Variants in NUF2 observed in about 807,000 individuals in gnomAD.
The protein encoded by NUF2 is NUF2 component of NDC80 kinetochore complex.
A neutral mutation model predicts 61.8 loss-of-function variants in NUF2; 34 were observed. That is an observed-to-expected ratio of 0.55 (90% CI 0.42 to 0.73). The LOEUF is 0.73. Ranked by LOEUF, NUF2 falls within the 30% of genes least tolerant of loss-of-function variation. The pLI is 0.00. For synonymous variants in NUF2, 172 were observed against 181.6 expected (o/e 0.95, Z 0.42); for missense variants, 445 against 539.1 (o/e 0.83, Z 1.73).
chr1:163,345,976 T>C (rs1651111489), intron 11 of NUF2, 158 bp downstream of exon 11: 2 of 499,592 alleles, frequency 4.0e-6, no homozygotes, highest in Non-Finnish European at 6.8e-6. Flanking sequence ...AAGACACTTT[T>C]CTTTTTAAAC....
intron 1 of NUF2, among the ~76,000 whole-genome samples, chr1:163,325,094 A>G (rs6657229): frequency 0.13 from 20,485 of 151,964 alleles, 1,653 homozygotes; most frequent in Non-Finnish European, 0.17. Context: ...ATAGGGTTTC[A>G]TCATGTTGCC....
At chr1:163,330,087 A>G (rs1650547270) in intron 5 of NUF2, among the ~76,000 whole-genome samples, 3 of 152,164 alleles carry the variant, frequency 2.0e-5, no homozygotes, top group African/African-American at 7.2e-5. Context: ...TAGGGCAGTA[A>G]CAATACTCTG....
intron 5 of NUF2, among the ~76,000 whole-genome samples, chr1:163,335,320 C>T (rs547847800): frequency 3.9e-5 from 6 of 152,168 alleles, no homozygotes; most frequent in Non-Finnish European, 8.8e-5. Flanking sequence ...GAACCAATAT[C>T]TAGCAGATAC....
intron 2 of NUF2, among the ~76,000 whole-genome samples, chr1:163,326,503 C>G (rs12735996): frequency 0.59 from 88,891 of 151,536 alleles, 26,493 homozygotes; most frequent in South Asian, 0.68. Context: ...GATAGGGCTT[C>G]AAGGAACTTA....
At chr1:163,328,999 A>AT in intron 5 of NUF2, 92 bp downstream of exon 5, 1 of 646,706 alleles carries the variant, frequency 1.5e-6, no homozygotes, top group Non-Finnish European at 2.6e-6. Flanking sequence ...AAAAAGGAAA[A>AT]AAACAACTTC....
intron 1 of NUF2, chr1:163,322,728 C>T (rs1338225424): frequency 1.3e-5 from 2 of 152,152 alleles, no homozygotes; most frequent in Non-Finnish European, 2.9e-5. Context: ...ACTTTTAGTA[C>T]CTACTCACTC....
rs914868593 is a variant in NUF2, at chr1:163,348,859, G to A, written c.1125-86G>A. On this transcript the variant is annotated intron_variant, in intron 12 of 13. Transcript: ENST00000271452. ...TAGGTTTGTCAAATACTGACACATG[G>A]TCACTTTGGAATCAAAACTAGAATT... The A allele has an allele frequency of 2.8e-6, 4 of 1,431,810 alleles. No individual in the cohort carries two copies. The African/African-American group carries it at 5.7e-5, about 21-fold the overall frequency. The allele number at this position is 1,431,810 out of a possible 1,614,324, so 88.7% of individuals were successfully genotyped here.
chr1:163,341,778 C>A (rs547279297), intron 9 of NUF2, among the ~76,000 whole-genome samples: 1 of 152,230 alleles, frequency 6.6e-6, no homozygotes, highest in East Asian at 1.9e-4. Flanking sequence ...CAGGCATCCA[C>A]CACCACTCCC....
intron 9 of NUF2, among the ~76,000 whole-genome samples, chr1:163,341,621 T>TTTTA (rs1204394806): frequency 1.3e-5 from 2 of 152,128 alleles, no homozygotes; most frequent in African/African-American, 4.8e-5. Flanking sequence ...TGTTTATTTA[T>TTTTA]TTTATTTATT....
intron 12 of NUF2, among the ~76,000 whole-genome samples, chr1:163,348,332 G>A (rs1018088968): frequency 1.3e-5 from 2 of 152,114 alleles, no homozygotes; most frequent in African/African-American, 2.4e-5. Flanking sequence ...CATATATTCA[G>A]GTAAGAAGTA....
At chr1:163,348,801 C>T in intron 12 of NUF2, 144 bp from the exon 13 acceptor site, 2 of 790,568 alleles carry the variant, frequency 2.5e-6, no homozygotes, top group Non-Finnish European at 4.0e-6. Flanking sequence ...TTGGGGTTTT[C>T]ATTCCTTTGC....
At chr1:163,327,258 G>C (rs187119457) in intron 2 of NUF2, among the ~76,000 whole-genome samples, 4 of 152,122 alleles carry the variant, frequency 2.6e-5, no homozygotes, top group African/African-American at 9.6e-5. Flanking sequence ...GGGTATACTT[G>C]CTCTCATTCT....
At chr1:163,342,620 C>G (rs1650982996) in intron 9 of NUF2, among the ~76,000 whole-genome samples, 1 of 151,982 alleles carries the variant, frequency 6.6e-6, no homozygotes, top group African/African-American at 2.4e-5. Flanking sequence ...GTAATACATT[C>G]CTGTTATGAA....
At chr1:163,340,471 T>TGAATATATTGAATATAAA in intron 9 of NUF2, 45 bp downstream of exon 9, 1 of 1,389,738 alleles carries the variant, frequency 7.2e-7, no homozygotes, top group Non-Finnish European at 1.0e-6. Flanking sequence ...TTGAATATAT[T>TGAATATATTGAATATAAA]GTGTGGAGGA....
At chr1:163,334,855 C>A (rs1650705133) in intron 5 of NUF2, among the ~76,000 whole-genome samples, 1 of 152,132 alleles carries the variant, frequency 6.6e-6, no homozygotes, top group African/African-American at 2.4e-5. Context: ...GAAAAGTCAA[C>A]TTTTCAATCC....
chr1:163,339,082 C>G (rs1650855470), intron 7 of NUF2, among the ~76,000 whole-genome samples: 1 of 151,998 alleles, frequency 6.6e-6, no homozygotes, highest in Non-Finnish European at 1.5e-5. Context: ...GTAGAGAAAT[C>G]AGCATTACCA....
intron 9 of NUF2, among the ~76,000 whole-genome samples, chr1:163,340,769 A>G (rs1335029151): frequency 1.3e-5 from 2 of 152,172 alleles, no homozygotes; most frequent in Non-Finnish European, 2.9e-5. Flanking sequence ...GCGATATAAT[A>G]CAGTTATGAA....
At chr1:163,341,230 G>C in intron 9 of NUF2, among the ~76,000 whole-genome samples, 1 of 151,708 alleles carries the variant, frequency 6.6e-6, no homozygotes, top group Non-Finnish European at 1.5e-5. Flanking sequence ...GTTTTTTTGA[G>C]ACAGAGTCTC....
intron 6 of NUF2, among the ~76,000 whole-genome samples, chr1:163,337,565 C>T (rs1650804468): frequency 6.6e-6 from 1 of 152,100 alleles, no homozygotes; most frequent in Non-Finnish European, 1.5e-5. Context: ...CATGTGCCAA[C>T]ATACACACAC....
Sources: gnomAD v4.1 joint callset for allele counts (sites outside exome capture counted in the v4.1 genomes callset) on GRCh38, gnomAD v4.1.1 for gene constraint, MANE v1.5 for transcripts, NCBI Gene and HGNC (gene_info 2026-07-23, HGNC 2026-07-21) for gene names.